ACTR3C: variants seen among roughly 807,000 people sequenced by gnomAD.
The protein encoded by ACTR3C is actin related protein 3C, also known as actin-related protein 3C.
A neutral mutation model predicts 26.3 loss-of-function variants in ACTR3C; 18 were observed. That is an observed-to-expected ratio of 0.68 (90% confidence interval 0.47 to 1.01). The LOEUF is 1.01. Ranked by LOEUF, ACTR3C falls within the 50% of genes least tolerant of loss-of-function variation. The probability of loss-of-function intolerance (pLI) is 0.00; values close to 1 mark genes in which losing one functional copy is unlikely to be tolerated. For missense variants in ACTR3C, 184 were observed against 250.7 expected (o/e 0.73, Z 1.80); for synonymous variants, 55 against 94.5 (o/e 0.58, Z 2.42).
the ACTR3C span, among the ~76,000 whole-genome samples, chr7:150,087,515 G>T: frequency 6.6e-6 from 1 of 152,192 alleles, no homozygotes; most frequent in South Asian, 2.1e-4. Flanking sequence ...GGAAGCATGA[G>T]GGGGCTCCTC....
chr7:149,993,161 C>CACA, the ACTR3C span, among the ~76,000 whole-genome samples: 2 of 148,068 alleles, frequency 1.4e-5, no homozygotes, highest in Non-Finnish European at 3.0e-5. Context: ...GTCTTCCTCT[C>CACA]CCAGTCCACT....
chr7:150,076,963 G>A, the ACTR3C span, among the ~76,000 whole-genome samples: 465 of 152,142 alleles, frequency 3.1e-3, 2 homozygotes, highest in African/African-American at 0.01. Flanking sequence ...TCAGGAGTTC[G>A]AGACCAGCCT....
At chr7:150,162,878 A>G in the ACTR3C span, among the ~76,000 whole-genome samples, 1 of 152,116 alleles carries the variant, frequency 6.6e-6, no homozygotes, top group Admixed American at 6.6e-5. Context: ...TGGGTGGGGC[A>G]CTGTGGCTCA....
At chr7:150,020,463 C>T in the ACTR3C span, among the ~76,000 whole-genome samples, 3 of 152,042 alleles carry the variant, frequency 2.0e-5, no homozygotes, top group Non-Finnish European at 2.9e-5. Flanking sequence ...TTACAGTTTA[C>T]AAGGCATTTA....
the ACTR3C span, among the ~76,000 whole-genome samples, chr7:150,127,666 A>T: frequency 6.6e-6 from 1 of 151,254 alleles, no homozygotes; most frequent in Non-Finnish European, 1.5e-5. Flanking sequence ...GTTTTATTGT[A>T]CTGTTTTTTT....
the ACTR3C span, among the ~76,000 whole-genome samples, chr7:150,151,859 C>G: frequency 1.5e-5 from 2 of 137,772 alleles, no homozygotes; most frequent in African/African-American, 5.0e-5. Flanking sequence ...TGCACATGTA[C>G]CCTAAAACTT....
chr7:150,130,397 G>A, the ACTR3C span, among the ~76,000 whole-genome samples: 14 of 152,134 alleles, frequency 9.2e-5, no homozygotes, highest in Non-Finnish European at 1.5e-4. Context: ...AGCAAGCCAC[G>A]TATTGAAATA....
chr7:150,042,088 CTG>C, the ACTR3C span, among the ~76,000 whole-genome samples: 18 of 98,258 alleles, frequency 1.8e-4, 1 homozygote, highest in South Asian at 4.1e-4. Flanking sequence ...CTCTCAGTCC[CTG>C]CCTCGCGGGG....
intron 6 of ACTR3C, among the ~76,000 whole-genome samples, chr7:150,275,999 C>T (rs1295181292): frequency 2.0e-5 from 3 of 151,916 alleles, no homozygotes; most frequent in South Asian, 4.1e-4. Context: ...CTTACCTTGC[C>T]GGATAAATGT....
At chr7:150,202,789 G>A in the ACTR3C span, among the ~76,000 whole-genome samples, 1 of 152,224 alleles carries the variant, frequency 6.6e-6, no homozygotes, top group Admixed American at 6.5e-5. Context: ...ACAACTCAAT[G>A]CAAGTGGCTA....
At chr7:150,101,825 C>G in the ACTR3C span, among the ~76,000 whole-genome samples, 1 of 151,680 alleles carries the variant, frequency 6.6e-6, no homozygotes, top group East Asian at 1.9e-4. Flanking sequence ...CAAAAGATCA[C>G]TACTTAGCAC....
chr7:150,309,223 T>C (rs1016691038), intron 1 of ACTR3C, among the ~76,000 whole-genome samples: 6 of 152,150 alleles, frequency 3.9e-5, no homozygotes, highest in Non-Finnish European at 8.8e-5. Context: ...CTGTTAGTTA[T>C]GACAAGCTTA....
intron 1 of ACTR3C, among the ~76,000 whole-genome samples, chr7:150,300,293 G>A (rs538658585): frequency 1.6e-3 from 237 of 151,608 alleles, no homozygotes; most frequent in African/African-American, 5.6e-3. Context: ...CGGAGGTTGC[G>A]GTGAGCTGAG....
the ACTR3C span, among the ~76,000 whole-genome samples, chr7:150,037,176 G>GT: frequency 1.1e-4 from 2 of 17,764 alleles, 1 homozygote; most frequent in Admixed American, 1.2e-3. Flanking sequence ...GATGGGGGTA[G>GT]TAACAGCCAG....
the ACTR3C span, among the ~76,000 whole-genome samples, chr7:150,065,982 A>G: frequency 9.2e-5 from 14 of 152,126 alleles, no homozygotes; most frequent in Non-Finnish European, 2.1e-4. Flanking sequence ...CAGTGCCCAG[A>G]TATCATCAAG....
the ACTR3C span, among the ~76,000 whole-genome samples, chr7:149,946,592 G>A: frequency 6.6e-6 from 1 of 152,160 alleles, no homozygotes; most frequent in Non-Finnish European, 1.5e-5. Flanking sequence ...AAGTCAAGGT[G>A]GGTGCCCAAG....
chr7:149,971,145 C>G, the ACTR3C span, among the ~76,000 whole-genome samples: 1 of 152,202 alleles, frequency 6.6e-6, no homozygotes, highest in Non-Finnish European at 1.5e-5. Flanking sequence ...CTAGGTTCTT[C>G]TGAACACAAT....
the ACTR3C span, among the ~76,000 whole-genome samples, chr7:150,054,731 A>ATCAATGCATG: frequency 1.3e-5 from 2 of 152,208 alleles, no homozygotes; most frequent in African/African-American, 4.8e-5. Flanking sequence ...TTAAAGCCAA[A>ATCAATGCATG]TCAATGCATG....
chr7:150,109,464 A>G, the ACTR3C span, among the ~76,000 whole-genome samples: 1 of 151,772 alleles, frequency 6.6e-6, no homozygotes, highest in African/African-American at 2.4e-5. Context: ...GAGTCATGGC[A>G]ATGCCCTCTT....
Sources: gnomAD v4.1 joint callset for allele counts (sites outside exome capture counted in the v4.1 genomes callset) on GRCh38, gnomAD v4.1.1 for gene constraint, MANE v1.5 for transcripts, NCBI Gene and HGNC (gene_info 2026-07-23, HGNC 2026-07-21) for gene names.